The following SHANK1 variants were observed in gnomAD, a reference collection of about 807,000 sequenced individuals.
The protein encoded by SHANK1 is SH3 and multiple ankyrin repeat domains protein 1.
A neutral mutation model predicts 165.6 loss-of-function variants in SHANK1; 35 were observed. The ratio of observed to expected loss-of-function variants is 0.21; its 90% confidence interval spans 0.16 to 0.28. The LOEUF (loss-of-function observed/expected upper bound fraction) is 0.28, where lower values mean the gene tolerates loss of function less well. Among genes scored for constraint, SHANK1 ranks in the 10% least tolerant of loss-of-function variants. SHANK1 has a pLI of 1.00. For missense variants in SHANK1, 2,681 were observed against 3,036.4 expected, an observed-to-expected ratio of 0.88 and a Z score of 2.75; for synonymous variants, 1,428 against 1,384.8, an observed-to-expected ratio of 1.03 and a Z score of -0.69.
In SHANK1 at chr19:50,667,717, G is replaced by A. The variant is rs939608745; in HGVS notation, c.4243C>T (p.Pro1415Ser). 2.2e-6 allele frequency: 3 copies of A among 1,334,312 alleles called. No homozygotes were observed. Among genetic ancestry groups the A allele is most frequent in the South Asian group, 2.0e-5 (1 of 49,300 alleles). The allele number at this position is 1,334,312 out of a possible 1,614,324, so 82.7% of individuals were successfully genotyped here. A position where few individuals can be genotyped will look rare whatever the true frequency, so the allele number is the denominator to read the frequency against. ...CTGTACCCCAGCTCCCGGCGCGCAG[G>A]GTCCGGCGGGGAGGCCCCCCAGAGA... Reference protein sequence around the residue: ...LRLWGASPPDPARRELGYRAG... With the variant: ...LRLWGASPPDSARRELGYRAG... The change falls in exon 23 of 24, where the codon CCT becomes TCT. Residue 1415 changes from proline to serine, a missense_variant. By Grantham distance (74) the Pro-to-Ser change is moderately conservative (BLOSUM62 -1). Coordinates refer to ENST00000293441, the MANE Select transcript of SHANK1 (RefSeq NM_016148.5). This position sits in a 1 kb window ranked among gnomAD's most constrained non-coding sequence, Gnocchi z 5.7.
intron 1 of SHANK1, among the ~76,000 whole-genome samples, chr19:50,719,029 T>G (rs1260252142): frequency 1.5e-5 from 2 of 135,230 alleles, no homozygotes; most frequent in South Asian, 2.4e-4. Context: ...GGGACCAGGG[T>G]GACCTGGCGG....
Position 50,713,684 on chromosome 19 carries a change from G to C in SHANK1, c.792+114C>G. 1.5e-6 allele frequency: 2 copies of C among 1,349,298 alleles called. No homozygotes were observed. The allele number at this position is 1,349,298 out of a possible 1,614,324, so 83.6% of individuals were successfully genotyped here. A position where few individuals can be genotyped will look rare whatever the true frequency, so the allele number is the denominator to read the frequency against. ...GTCTATGGAAAGGGGCTTTGAACTG[G>C]GGACATGAGAGGGCCTATTTTTAAC... On this transcript the variant is annotated intron_variant, in intron 6 of 23. Transcript: ENST00000293441. The surrounding 1 kb of genome is among the most constrained non-coding windows in gnomAD (Gnocchi z 6.2).
intron 8 of SHANK1, chr19:50,711,140 C>T (rs1034118781): frequency 3.7e-6 from 2 of 535,650 alleles, no homozygotes; most frequent in Non-Finnish European, 6.7e-6. Flanking sequence ...GTCCCCAGCA[C>T]CCAGCTCCAG....
At position 50,703,556 on chromosome 19, in the gene SHANK1, A is replaced by C; in HGVS notation, c.1497T>G (p.Ser499=). The change falls in exon 11 of 24, where the codon TCT becomes TCG. Residue 499 remains serine (S), a synonymous_variant. Transcript: ENST00000293441. Reference sequence around the variant, plus strand: ...CCTCAGGGTGCCTCCCTCGGGATGGAGAGCGGGCCCTGGCACCCCGGGGGC... The same window carrying C: ...CCTCAGGGTGCCTCCCTCGGGATGGCGAGCGGGCCCTGGCACCCCGGGGGC... ...ASSPRGARAR[S]PSRGRHPEDA... The C allele has an allele frequency of 6.4e-7, 1 of 1,553,526 alleles. No homozygotes were observed. Among genetic ancestry groups the C allele is most frequent in the Non-Finnish European group, 8.7e-7 (1 of 1,154,330 alleles).
intron 21 of SHANK1, among the ~76,000 whole-genome samples, chr19:50,673,497 G>T (rs1395103083): frequency 6.6e-6 from 1 of 152,024 alleles, no homozygotes; most frequent in Non-Finnish European, 1.5e-5. Flanking sequence ...TTTTCAGCGC[G>T]AAGTTCTCCT....
chr19:50,712,671 C>G (rs1199126255), intron 6 of SHANK1, among the ~76,000 whole-genome samples: 1 of 152,136 alleles, frequency 6.6e-6, no homozygotes, highest in East Asian at 1.9e-4. Context: ...GGAAGGCTGG[C>G]AATAATGAAC....
chr19:50,687,129 G>A (rs1986371945), intron 19 of SHANK1: 2 of 830,664 alleles, frequency 2.4e-6, no homozygotes, highest in African/African-American at 3.6e-5. Flanking sequence ...CGCCTCCCTC[G>A]GGGCCCCGGG....
chr19:50,662,175 A>T lies in SHANK1; in HGVS notation c.6276T>A (p.Ala2092=). 1.2e-6 allele frequency: 2 copies of T among 1,610,906 alleles called. No homozygotes were observed. Among genetic ancestry groups the T allele is most frequent in the Non-Finnish European group, 1.7e-6 (2 of 1,177,460 alleles). Residue 2092 remains alanine, a synonymous_variant, in exon 24 of 24, where the codon GCT becomes GCA. Transcript: ENST00000293441. The surrounding 1 kb of genome is among the most constrained non-coding windows in gnomAD (Gnocchi z 7.7). ...ACTTGGTCCAGAACCCCAGAGGTTTAGCGCCAAACGGCTTGTCCGGGGGCA... is the reference window on the plus strand; with the variant it reads ...ACTTGGTCCAGAACCCCAGAGGTTTTGCGCCAAACGGCTTGTCCGGGGGCA... ...LSLPPDKPFG[A]KPLGFWTKFD...
chr19:50,680,408 G>C (rs983863797), intron 21 of SHANK1, among the ~76,000 whole-genome samples: 1 of 151,996 alleles, frequency 6.6e-6, no homozygotes, highest in African/African-American at 2.4e-5. Context: ...AGAGATGAGG[G>C]GGCACGAGGG....
intron 21 of SHANK1, among the ~76,000 whole-genome samples, chr19:50,679,233 C>T (rs975982845): frequency 5.5e-4 from 74 of 135,646 alleles, no homozygotes; most frequent in African/African-American, 1.9e-3. Flanking sequence ...GTCAGGGTGA[C>T]GGGAGAGGGC....
At chr19:50,684,990 G>A (rs1460053746) in intron 21 of SHANK1, among the ~76,000 whole-genome samples, 1 of 152,216 alleles carries the variant, frequency 6.6e-6, no homozygotes, top group Non-Finnish European at 1.5e-5. Context: ...AAGGACCACG[G>A]CAGCCTGCCA....
In SHANK1 at chr19:50,686,938, G is replaced by C. The variant is rs1226759108; in HGVS notation, c.2390-126C>G. The C allele has an allele frequency of 2.6e-5, 36 of 1,367,670 alleles. No individual in the cohort carries two copies. Among genetic ancestry groups the C allele is most frequent in the Non-Finnish European group, 2.3e-5 (24 of 1,023,306 alleles). The allele number at this position is 1,367,670 out of a possible 1,614,324, so 84.7% of individuals were successfully genotyped here. A position where few individuals can be genotyped will look rare whatever the true frequency, so the allele number is the denominator to read the frequency against. On this transcript the variant is annotated intron_variant, in intron 19 of 23. Coordinates refer to ENST00000293441, the MANE Select transcript of SHANK1 (RefSeq NM_016148.5). This position sits in a 1 kb window ranked among gnomAD's most constrained non-coding sequence, Gnocchi z 5.7. ...TGGCGGGCGCGAGAGGGGCAGTGAG[G>C]GGCCGGGGTCAGGGAGGGGCGAGTC...
At position 50,669,079 on chromosome 19, in the gene SHANK1, G is replaced by A. The variant is rs113885468; in HGVS notation, c.2881C>T (p.Pro961Ser). 1.6e-6 allele frequency: 2 copies of A among 1,287,310 alleles called. No homozygotes were observed. The highest frequency in any genetic ancestry group is 2.1e-6 in the Non-Finnish European group (2 of 957,074). 79.7% of individuals were successfully genotyped at this position (1,287,310 alleles called of 1,614,324 possible). ...GGPFNPGSGG[P>S]LPASSPASFD... Reference sequence around the variant, plus strand: ...GATGCAGGGGAGGAGGCGGGGAGGGGGCCACCAGAGCCAGGGTTGAAGGGC... The same window carrying A: ...GATGCAGGGGAGGAGGCGGGGAGGGAGCCACCAGAGCCAGGGTTGAAGGGC... The change falls in exon 23 of 24, where the codon CCC (proline) becomes TCC (serine). Residue 961 changes from proline to serine, a missense_variant. Pro to Ser is a moderately conservative substitution (Grantham distance 74). This residue lies in a region of SHANK1 where 1,713 missense variants were observed against 1,630.2 expected (regional missense o/e 1.05). Transcript: ENST00000293441.
chr19:50,702,615 G>GC lies in SHANK1; in HGVS notation c.1598dup (p.Ser534LeufsTer52), dbSNP rs1231048966. 6.3e-7 allele frequency: 1 copy of GC among 1,587,190 alleles called. No individual in the cohort carries two copies. On this transcript the variant is annotated frameshift_variant, in exon 12 of 24. Coordinates refer to ENST00000293441, the MANE Select transcript of SHANK1 (RefSeq NM_016148.5). LOFTEE classifies it high-confidence loss of function. This position sits in a 1 kb window ranked among gnomAD's most constrained non-coding sequence, Gnocchi z 5.3. ...CCAGGGAGCCCCCGGGGCCCCCTGA[G>GC]CCCCCCGTGCCCCCGGCTGGCCCTT...
In SHANK1 at chr19:50,668,803, C is replaced by T; in HGVS notation, c.3157G>A (p.Gly1053Ser). The change falls in exon 23 of 24, where the codon GGC becomes AGC. Residue 1053 changes from glycine to serine, a missense_variant. Physicochemically the swap from Gly to Ser is moderately conservative, Grantham distance 56. Transcript: ENST00000293441. ...GCCCCCGGGGTCGGGCTGGGCCCGC[C>T]GCCCCTCCAGCCTCGCAGGCTGGGC... is the stretch of plus-strand genomic sequence containing the variant. ...PQPSLRGWRGGGPSPTPGAPS... is the reference protein window; with the variant it reads ...PQPSLRGWRGSGPSPTPGAPS... 8.7e-6 allele frequency: 11 copies of T among 1,269,620 alleles called. No individual in the cohort carries two copies. Among genetic ancestry groups the T allele is most frequent in the Non-Finnish European group, 1.1e-5 (11 of 1,013,408 alleles). The allele number at this position is 1,269,620 out of a possible 1,614,324, so 78.6% of individuals were successfully genotyped here. A position where few individuals can be genotyped will look rare whatever the true frequency, so the allele number is the denominator to read the frequency against.
rs1012240965 is a variant in SHANK1 at position 50,670,386 on chromosome 19, A to G, written c.2675-1101T>C. 6.6e-6 allele frequency among the ~76,000 whole-genome samples: 1 copy of G among 152,120 alleles called. No homozygotes were observed. The highest frequency in any genetic ancestry group is 1.5e-5 in the Non-Finnish European group (1 of 68,008). On this transcript the variant is annotated intron_variant, in intron 22 of 23. Coordinates refer to ENST00000293441, the MANE Select transcript of SHANK1 (RefSeq NM_016148.5). This position sits in a 1 kb window ranked among gnomAD's most constrained non-coding sequence, Gnocchi z 4.1. Reference sequence around the variant, plus strand: ...TCAACACCCTGGGCCAGCCACTATCATTTCCTATCTGGATAGCAATAGCTG... The same window carrying G: ...TCAACACCCTGGGCCAGCCACTATCGTTTCCTATCTGGATAGCAATAGCTG...
intron 12 of SHANK1, among the ~76,000 whole-genome samples, chr19:50,700,765 C>T (rs1274569809): frequency 3.9e-5 from 6 of 152,064 alleles, no homozygotes; most frequent in Admixed American, 6.5e-5. Context: ...TCTGCCTGCC[C>T]GGAAGGTCCT....
chr19:50,700,997 A>G (rs1193248193), intron 12 of SHANK1, among the ~76,000 whole-genome samples: 1 of 152,050 alleles, frequency 6.6e-6, no homozygotes, highest in Non-Finnish European at 1.5e-5. Flanking sequence ...GACCTCACCT[A>G]CAGGAACTCA....
Position 50,716,432 on chromosome 19 carries a change from T to A in SHANK1, c.302A>T (p.Gln101Leu). ...CTCGCTCAGGGCACAGAGCACCTGC[T>A]GCTTGGCCGTCCAGATGGTGGCATC... ...NPDATIWTAK[Q>L]QVLCALSESL... The change falls in exon 3 of 24, where the codon CAG (glutamine) becomes CTG (leucine). Residue 101 changes from glutamine to leucine, a missense_variant. By Grantham distance (113) the Gln-to-Leu change is moderately radical (BLOSUM62 -2). This residue lies in a region of SHANK1 where 189 missense variants were observed against 440.9 expected (regional missense o/e 0.43). Coordinates refer to ENST00000293441, the MANE Select transcript of SHANK1 (RefSeq NM_016148.5). This position sits in a 1 kb window ranked among gnomAD's most constrained non-coding sequence, Gnocchi z 8.4. 6.2e-7 allele frequency: 1 copy of A among 1,614,166 alleles called. No individual in the cohort carries two copies. Among genetic ancestry groups the A allele is most frequent in the South Asian group, 1.1e-5 (1 of 91,078 alleles).
Sources: allele counts gnomAD v4.1 joint callset (sites outside exome capture counted in the v4.1 genomes callset), GRCh38; gene constraint gnomAD v4.1.1; regional missense constraint gnomAD v4.1.1; non-coding constraint Gnocchi (gnomAD v3.1); transcripts MANE v1.5; gene names NCBI Gene and HGNC (gene_info 2026-07-23, HGNC 2026-07-21).